ALX4: variants seen among roughly 807,000 people sequenced by gnomAD.
ALX4 encodes the protein ALX homeobox 4.
In ALX4, 22 loss-of-function variants were observed where a neutral mutation model predicts 40.6. That is an observed-to-expected ratio of 0.54 (90% CI 0.39 to 0.77). The LOEUF is 0.77. ALX4 is among the 30% of genes least tolerant of loss of function. ALX4 has a pLI of 0.00. For synonymous variants in ALX4, 266 were observed against 240.5 expected (o/e 1.11, Z -0.98); for missense variants, 556 against 564.8 (o/e 0.98, Z 0.16).
intron 1 of ALX4, among the ~76,000 whole-genome samples, chr11:44,287,077 C>T (rs2119840898): frequency 6.6e-6 from 1 of 152,348 alleles, no homozygotes; most frequent in Admixed American, 6.5e-5. Context: ...GACTTGTTAC[C>T]AGCTTCCCCG....
chr11:44,302,580 T>C (rs1239359437), intron 1 of ALX4, among the ~76,000 whole-genome samples: 4 of 152,170 alleles, frequency 2.6e-5, no homozygotes, highest in African/African-American at 9.7e-5. Context: ...GGGAAGGTGC[T>C]CCATAAATAC....
At chr11:44,275,969 T>C (rs1956275784) in intron 1 of ALX4, among the ~76,000 whole-genome samples, 1 of 152,192 alleles carries the variant, frequency 6.6e-6, no homozygotes, top group South Asian at 2.1e-4. Flanking sequence ...CCCACCTCAC[T>C]GACCCTGAGC....
At chr11:44,275,861 A>T (rs1486773675) in intron 1 of ALX4, among the ~76,000 whole-genome samples, 1 of 152,150 alleles carries the variant, frequency 6.6e-6, no homozygotes, top group Non-Finnish European at 1.5e-5. Flanking sequence ...TCTCTTCCCC[A>T]ATCTGAGCCT....
At position 44,275,547 on chromosome 11, in the gene ALX4, C is replaced by T. The variant is rs201303900; in HGVS notation, c.578G>A (p.Arg193Gln). Residue 193 changes from arginine (R) to glutamine (Q), a missense_variant, in exon 2 of 4, where the codon CGG (arginine) becomes CAG (glutamine). Physicochemically the swap from Arg to Gln is conservative, Grantham distance 43. Coordinates refer to ENST00000652299, the MANE Select transcript of ALX4 (RefSeq NM_021926.4). ...KEAGVKGPQD[R>Q]ASSDLPSPLE... The stretch of plus-strand genomic sequence containing the variant: ...TGGGCTGGGGAGGTCTGAGCTGGCC[C>T]GGTCCTGGGGCCCCTTCACCCCAGC... The T allele has an allele frequency of 1.4e-5, 22 of 1,614,048 alleles. No individual in the cohort carries two copies. Among genetic ancestry groups the T allele is most frequent in the South Asian group, 3.3e-5 (3 of 91,094 alleles).
chr11:44,270,217 G>A (rs1229616630), intron 2 of ALX4, among the ~76,000 whole-genome samples: 1 of 152,142 alleles, frequency 6.6e-6, no homozygotes, highest in Non-Finnish European at 1.5e-5. Context: ...GAGGAGATGT[G>A]GGTTATCTGG....
At chr11:44,301,357 A>G (rs1956433408) in intron 1 of ALX4, among the ~76,000 whole-genome samples, 1 of 152,164 alleles carries the variant, frequency 6.6e-6, no homozygotes, top group Admixed American at 6.5e-5. Context: ...CAGTGGGAGG[A>G]GTTGGTCATC....
At chr11:44,297,489 G>C (rs773498284) in intron 1 of ALX4, among the ~76,000 whole-genome samples, 1 of 152,002 alleles carries the variant, frequency 6.6e-6, no homozygotes, top group East Asian at 1.9e-4. Context: ...AGGCTGAGGC[G>C]GGAGGATCAC....
chr11:44,296,039 A>T (rs1177263349), intron 1 of ALX4, among the ~76,000 whole-genome samples: 1 of 152,200 alleles, frequency 6.6e-6, no homozygotes, highest in African/African-American at 2.4e-5. Flanking sequence ...AGGCAAGGAG[A>T]TGAACGGATG....
rs1956199609 is a variant in ALX4 at position 44,264,257 on chromosome 11, A to C, written c.*597T>G. ...CCAGCCTAGGGGACAGCCAGGATGC[A>C]GTCAGCCAGGCTCTGTCAGACTCGT... On this transcript the variant is annotated 3_prime_UTR_variant, in exon 4 of 4. Transcript: ENST00000652299. 6.3e-6 allele frequency: 1 copy of C among 158,444 alleles called. No individual in the cohort carries two copies. Among genetic ancestry groups the C allele is most frequent in the African/African-American group, 2.4e-5 (1 of 41,532 alleles). 9.8% of individuals were successfully genotyped at this position (158,444 alleles called of 1,614,324 possible). A position where few individuals can be genotyped will look rare whatever the true frequency, so the allele number is the denominator to read the frequency against.
At chr11:44,295,768 C>G (rs988461203) in intron 1 of ALX4, among the ~76,000 whole-genome samples, 5 of 152,180 alleles carry the variant, frequency 3.3e-5, no homozygotes, top group African/African-American at 1.2e-4. Flanking sequence ...GGAAGTGGTC[C>G]CAGATGTGCG....
At chr11:44,298,491 C>A (rs1470229581) in intron 1 of ALX4, among the ~76,000 whole-genome samples, 1 of 152,152 alleles carries the variant, frequency 6.6e-6, no homozygotes, top group African/African-American at 2.4e-5. Flanking sequence ...AGCTCTCAGG[C>A]AGCACCCTGG....
intron 1 of ALX4, among the ~76,000 whole-genome samples, chr11:44,279,245 A>AC (rs1956295171): frequency 6.6e-6 from 1 of 151,730 alleles, no homozygotes; most frequent in African/African-American, 2.4e-5. Flanking sequence ...TCCAGTTCTA[A>AC]CCCCCCAGCG....
chr11:44,291,184 G>T (rs1175474349), intron 1 of ALX4, among the ~76,000 whole-genome samples: 2 of 152,100 alleles, frequency 1.3e-5, no homozygotes, highest in Non-Finnish European at 2.9e-5. Context: ...TGAAACATTG[G>T]CAACTGCTGT....
At position 44,265,190 on chromosome 11, in the gene ALX4, G is replaced by C. The variant is rs1369622591; in HGVS notation, c.907-7C>G. The C allele has an allele frequency of 5.6e-6, 9 of 1,595,120 alleles. No individual in the cohort carries two copies. Among genetic ancestry groups the C allele is most frequent in the Non-Finnish European group, 7.7e-6 (9 of 1,169,534 alleles). On this transcript the variant is annotated splice_region_variant and splice_polypyrimidine_tract_variant and intron_variant, in intron 3 of 3. Coordinates refer to ENST00000652299, the MANE Select transcript of ALX4 (RefSeq NM_021926.4). ...GCCAGGACGGGTTCTGAATCTGGGAGAGGAAGGGAGAGATGTCACCGGCTG... is the reference window on the plus strand; with the variant it reads ...GCCAGGACGGGTTCTGAATCTGGGACAGGAAGGGAGAGATGTCACCGGCTG...
In ALX4 at chr11:44,264,579, C is replaced by T. The variant is rs956546667; in HGVS notation, c.*275G>A. The T allele has an allele frequency of 1.6e-5, 9 of 558,518 alleles. No individual in the cohort carries two copies. Among genetic ancestry groups the T allele is most frequent in the Admixed American group, 3.1e-5 (1 of 31,746 alleles). 34.6% of individuals were successfully genotyped at this position (558,518 alleles called of 1,614,324 possible). ...AAGCGCTTTCAGCTTATCATGGATG[C>T]GAAGCTGAAAAACGTGGCCACCTGG... is the stretch of plus-strand genomic sequence containing the variant. On this transcript the variant is annotated 3_prime_UTR_variant, in exon 4 of 4. Transcript: ENST00000652299.
intron 1 of ALX4, among the ~76,000 whole-genome samples, chr11:44,287,295 AAAAC>A (rs912522421): frequency 3.3e-5 from 5 of 152,268 alleles, no homozygotes; most frequent in East Asian, 1.9e-4. Context: ...GCAAAAACAA[AAAAC>A]AAACAAACAA....
intron 1 of ALX4, among the ~76,000 whole-genome samples, chr11:44,279,901 TGCAG>T: frequency 1.3e-5 from 2 of 151,946 alleles, no homozygotes; most frequent in Non-Finnish European, 3.0e-5. Flanking sequence ...GTGGCAGAGA[TGCAG>T]TAAGAGGTTG....
rs560087261 is a variant in ALX4, at chr11:44,260,749, G to A, written c.*4105C>T. The A allele has an allele frequency of 3.9e-4, 59 of 151,670 alleles. No homozygotes were observed. The highest frequency in any genetic ancestry group is 6.5e-4 in the Non-Finnish European group (44 of 67,942). The allele number at this position is 151,670 out of a possible 1,614,324, so 9.4% of individuals were successfully genotyped here. On this transcript the variant is annotated 3_prime_UTR_variant, in exon 4 of 4. Coordinates refer to ENST00000652299, the MANE Select transcript of ALX4 (RefSeq NM_021926.4). ...TTTTACATTTTTCTGGATTTTTACT[G>A]TATTTTTAATATATATTTTTAATAT...
rs1248285830 is a variant in ALX4, at chr11:44,309,730, C to T, written c.333G>A (p.Gln111=). 1.8e-5 allele frequency: 28 copies of T among 1,552,944 alleles called. No homozygotes were observed. In the South Asian group the frequency reaches 3.3e-4, roughly 18 times the overall value. Residue 111 remains glutamine, a synonymous_variant, in exon 1 of 4, where the codon CAG becomes CAA. Transcript: ENST00000652299. ...PPPQPQPQQQ[Q]PQPQPPAQPH... ...GTTGCGCGGGCGGCTGGGGCTGCGG[C>T]TGCTGCTGCTGCGGCTGCGGCTGCG...
Sources: gnomAD v4.1 joint callset for allele counts (sites outside exome capture counted in the v4.1 genomes callset) on GRCh38, gnomAD v4.1.1 for gene constraint, MANE v1.5 for transcripts, NCBI Gene and HGNC (gene_info 2026-07-23, HGNC 2026-07-21) for gene names.